KIAA1671: variants seen among roughly 807,000 people sequenced by gnomAD.
The protein encoded by KIAA1671 is KIAA1671.
In KIAA1671, 52 loss-of-function variants were observed where a neutral mutation model predicts 131.2. The observed-to-expected ratio is 0.40, with a 90% confidence interval of 0.32 to 0.50. The LOEUF (loss-of-function observed/expected upper bound fraction) is 0.50, where lower values mean the gene tolerates loss of function less well. Ranked by LOEUF, KIAA1671 falls within the 20% of genes least tolerant of loss-of-function variation. KIAA1671 has a pLI of 0.73. For synonymous variants in KIAA1671, 1,003 were observed against 961.6 expected (o/e 1.04, Z -0.80); for missense variants, 2,360 against 2,364.2 (o/e 1.00, Z 0.04).
intron 6 of KIAA1671, among the ~76,000 whole-genome samples, chr22:25,084,893 A>G (rs551653663): frequency 6.6e-6 from 1 of 152,242 alleles, no homozygotes; most frequent in South Asian, 2.1e-4. Context: ...AAACACGGCC[A>G]CTCCTGGTGG....
At chr22:25,009,280 T>C (rs2123873920) in intron 1 of KIAA1671, among the ~76,000 whole-genome samples, 1 of 139,360 alleles carries the variant, frequency 7.2e-6, no homozygotes, top group East Asian at 2.1e-4. Flanking sequence ...TTTTTTTTTT[T>C]TTAAGACAGA....
intron 1 of KIAA1671, among the ~76,000 whole-genome samples, chr22:24,969,990 G>T (rs780260650): frequency 6.6e-6 from 1 of 152,182 alleles, no homozygotes; most frequent in Non-Finnish European, 1.5e-5. Context: ...GGTGGGAACT[G>T]CTCAGAACGG....
chr22:24,983,425 G>A (rs1050024574), intron 1 of KIAA1671, among the ~76,000 whole-genome samples: 1 of 152,028 alleles, frequency 6.6e-6, no homozygotes, highest in African/African-American at 2.4e-5. Context: ...CATTGGATTA[G>A]GGTCCACCCT....
At chr22:24,992,834 A>AAAAAAAAC (rs1423723587) in intron 1 of KIAA1671, among the ~76,000 whole-genome samples, 1 of 151,396 alleles carries the variant, frequency 6.6e-6, no homozygotes. Context: ...AAAAAAAAAA[A>AAAAAAAAC]AAAAGACAAT....
intron 1 of KIAA1671, among the ~76,000 whole-genome samples, chr22:24,999,158 CCA>C (rs1418548460): frequency 2.0e-5 from 3 of 152,118 alleles, no homozygotes; most frequent in Non-Finnish European, 4.4e-5. Context: ...CTTGGTAATG[CCA>C]GTCTCTGTAA....
At chr22:25,056,525 ATGC>A (rs1927846718) in intron 6 of KIAA1671, 2 of 149,034 alleles carry the variant, frequency 1.3e-5, no homozygotes, top group African/African-American at 4.9e-5. Context: ...CTTGTTAGAA[ATGC>A]GGTGAAGTGG....
Position 25,193,247 on chromosome 22 carries a change from G to C in KIAA1671, c.*846G>C, listed in dbSNP as rs1934725099. The C allele has an allele frequency of 1.3e-5, 2 of 152,162 alleles. No individual in the cohort carries two copies. The highest frequency in any genetic ancestry group is 4.1e-4 in the South Asian group (2 of 4,830). The allele number at this position is 152,162 out of a possible 1,614,324, so 9.4% of individuals were successfully genotyped here. A position where few individuals can be genotyped will look rare whatever the true frequency, so the allele number is the denominator to read the frequency against. On this transcript the variant is annotated 3_prime_UTR_variant, in exon 13 of 13. Coordinates refer to ENST00000358431, the MANE Select transcript of KIAA1671 (RefSeq NM_001145206.2). ...TTTAGAAGTTATAATTGTCACTCTT[G>C]TATTTATTTCCATGGCTTCTTTTCA...
intron 4 of KIAA1671, among the ~76,000 whole-genome samples, chr22:25,033,158 G>A (rs1236871659): frequency 6.6e-6 from 1 of 152,136 alleles, no homozygotes; most frequent in African/African-American, 2.4e-5. Flanking sequence ...TGAGGTGGAG[G>A]GAGGATTGCT....
At chr22:25,077,903 A>G (rs1929202512) in intron 6 of KIAA1671, among the ~76,000 whole-genome samples, 1 of 152,240 alleles carries the variant, frequency 6.6e-6, no homozygotes, top group Non-Finnish European at 1.5e-5. Flanking sequence ...AGTAGTAATA[A>G]TAATAGTCAT....
intron 6 of KIAA1671, among the ~76,000 whole-genome samples, chr22:25,144,711 G>A (rs761496605): frequency 2.0e-5 from 3 of 152,100 alleles, no homozygotes; most frequent in Non-Finnish European, 4.4e-5. Context: ...AAGAAACTGA[G>A]GCCCAATGAG....
At chr22:25,115,638 G>T (rs1931614187) in intron 6 of KIAA1671, among the ~76,000 whole-genome samples, 1 of 152,200 alleles carries the variant, frequency 6.6e-6, no homozygotes. Context: ...GGCTAGACTG[G>T]TGCCTCAGGG....
intron 5 of KIAA1671, among the ~76,000 whole-genome samples, chr22:25,045,331 ATT>A (rs1927164251): frequency 6.6e-6 from 1 of 152,242 alleles, no homozygotes; most frequent in African/African-American, 2.4e-5. Flanking sequence ...CTGGAGACAT[ATT>A]TTGTTGTTGT....
intron 6 of KIAA1671, among the ~76,000 whole-genome samples, chr22:25,089,340 T>C (rs370404457): frequency 1.1e-3 from 160 of 146,872 alleles, no homozygotes; most frequent in African/African-American, 3.6e-3. Flanking sequence ...AGTGGCGCGA[T>C]CTCGGCTCAC....
At position 25,025,295 on chromosome 22, in the gene KIAA1671, C is replaced by T. The variant is rs759242104; in HGVS notation, c.-207-338C>T. On this transcript the variant is annotated intron_variant, in intron 1 of 12. Coordinates refer to ENST00000358431, the MANE Select transcript of KIAA1671 (RefSeq NM_001145206.2). The stretch of plus-strand genomic sequence containing the variant: ...CATTTAAAAAGTGACATTTGTTACC[C>T]AGTTGTAATTGCTTGTGTGTGTATG... Among the ~76,000 whole-genome samples the T allele has an allele frequency of 6.1e-3, 924 of 152,066 alleles. 11 individuals are homozygous for T. Among genetic ancestry groups the T allele is most frequent in the African/African-American group, 0.021 (881 of 41,456 alleles).
At chr22:25,001,072 A>G (rs1352032099) in intron 1 of KIAA1671, among the ~76,000 whole-genome samples, 1 of 152,062 alleles carries the variant, frequency 6.6e-6, no homozygotes, top group Non-Finnish European at 1.5e-5. Flanking sequence ...CTTAAAAAAA[A>G]AAGAAATACA....
At position 25,040,370 on chromosome 22, in the gene KIAA1671, G is replaced by A. The variant is rs1926843927; in HGVS notation, c.3240G>A (p.Leu1080=). ...TLVSLGHEEA[L]EMAGSKNWMK... ...TTTCTCTTGGTCATGAAGAGGCATT[G>A]GAGATGGCAGGCAGTAAAAACTGGA... The change falls in exon 5 of 13, where the codon TTG becomes TTA. Residue 1080 remains leucine (L), a synonymous_variant. Transcript: ENST00000358431. 6 of 1,551,754 alleles carry A rather than the reference G, an allele frequency of 3.9e-6. No individual in the cohort carries two copies. The African/African-American group carries it at 6.8e-5, about 18-fold the overall frequency.
chr22:25,032,687 G>A lies in KIAA1671; in HGVS notation c.1620G>A (p.Pro540=), dbSNP rs993378755. The change falls in exon 4 of 13, where the codon CCG becomes CCA. Residue 540 remains proline (P), a synonymous_variant. Transcript: ENST00000358431. ...AELSGEFPKE[P]REKQKEGHSL... ...TGAGCGGCGAGTTTCCTAAGGAACC[G>A]AGAGAAAAGGTAAGGAGTGGCTGTG... 7.3e-5 allele frequency: 113 copies of A among 1,544,380 alleles called. No homozygotes were observed. Among genetic ancestry groups the A allele is most frequent in the Non-Finnish European group, 9.1e-5 (104 of 1,141,210 alleles).
At position 25,164,724 on chromosome 22, in the gene KIAA1671, C is replaced by T. The variant is rs193248020; in HGVS notation, c.4531-6096C>T. Among the ~76,000 whole-genome samples the T allele has an allele frequency of 4.7e-3, 718 of 152,090 alleles. 5 individuals carry two copies. Among genetic ancestry groups the T allele is most frequent in the African/African-American group, 0.017 (685 of 41,482 alleles). ...CAGCACTTTGGGAGGCCAAGGCAGG[C>T]GGATCATGAGGTCAGGAGTTCAAGA... On this transcript the variant is annotated intron_variant, in intron 6 of 12. Transcript: ENST00000358431.
At chr22:25,014,063 G>A (rs1270425198) in intron 1 of KIAA1671, 1 of 152,188 alleles carries the variant, frequency 6.6e-6, no homozygotes, top group East Asian at 1.9e-4. Flanking sequence ...CCCACTTCTA[G>A]GCAAAATTTC....
Sources: gnomAD v4.1 joint callset for allele counts (sites outside exome capture counted in the v4.1 genomes callset) on GRCh38, gnomAD v4.1.1 for gene constraint, MANE v1.5 for transcripts, NCBI Gene and HGNC (gene_info 2026-07-23, HGNC 2026-07-21) for gene names.